CFAP299: variants seen among roughly 807,000 people sequenced by gnomAD.
The protein encoded by CFAP299 is cilia and flagella associated protein 299, also known as cilia- and flagella-associated protein 299.
Under a neutral mutation model 27.0 loss-of-function variants are expected in CFAP299, and 21 were observed. That is an observed-to-expected ratio of 0.78 (90% CI 0.55 to 1.12). The LOEUF (loss-of-function observed/expected upper bound fraction) is 1.12, where lower values mean the gene tolerates loss of function less well. Ranked by LOEUF, CFAP299 falls within the 50% of genes most tolerant of loss-of-function variation. The pLI is 0.00. For synonymous variants in CFAP299, 104 were observed against 98.1 expected, an observed-to-expected ratio of 1.06 and a Z score of -0.36; for missense variants, 310 against 276.6, an observed-to-expected ratio of 1.12 and a Z score of -0.86.
rs1051473021 is a variant in CFAP299, at chr4:80,656,659, T to G, written c.333+73476T>G. On this transcript the variant is annotated intron_variant, in intron 3 of 5. Transcript: ENST00000358105. Reference sequence around the variant, plus strand: ...ATTTGGGATGGTTCCAAGTCTTTGCTATTGTGAACAGTGCTGCAATAAACA... The same window carrying G: ...ATTTGGGATGGTTCCAAGTCTTTGCGATTGTGAACAGTGCTGCAATAAACA... Among the ~76,000 whole-genome samples the G allele has an allele frequency of 4.6e-5, 7 of 152,192 alleles. No homozygotes were observed. The East Asian group carries it at 1.2e-3, about 25-fold the overall frequency.
At chr4:80,820,464 G>A (rs552320101) in intron 3 of CFAP299, among the ~76,000 whole-genome samples, 5 of 152,246 alleles carry the variant, frequency 3.3e-5, no homozygotes, top group African/African-American at 1.2e-4. Context: ...AATTTGTAGA[G>A]CTGGCAAGTG....
chr4:80,858,971 C>T (rs1399216043), intron 3 of CFAP299, among the ~76,000 whole-genome samples: 1 of 152,130 alleles, frequency 6.6e-6, no homozygotes, highest in Non-Finnish European at 1.5e-5. Flanking sequence ...TCCTTGTTGA[C>T]TTTCTGTCTT....
intron 2 of CFAP299, among the ~76,000 whole-genome samples, chr4:80,482,771 C>G (rs1730630004): frequency 6.6e-6 from 1 of 152,174 alleles, no homozygotes; most frequent in Non-Finnish European, 1.5e-5. Context: ...ACCCAGTAGA[C>G]ATTAAATACC....
chr4:80,359,751 C>T (rs1239462323), intron 1 of CFAP299, among the ~76,000 whole-genome samples: 1 of 152,168 alleles, frequency 6.6e-6, no homozygotes, highest in Non-Finnish European at 1.5e-5. Context: ...AGCTTCTGTG[C>T]ATTGGGTTTC....
At chr4:80,429,137 T>A (rs1281695392) in intron 2 of CFAP299, among the ~76,000 whole-genome samples, 1 of 152,184 alleles carries the variant, frequency 6.6e-6, no homozygotes, top group African/African-American at 2.4e-5. Flanking sequence ...TTTCCATACA[T>A]CCCACCCAGT....
At position 80,858,928 on chromosome 4, in the gene CFAP299, G is replaced by A. The variant is rs952569180; in HGVS notation, c.334-11065G>A. ...AGTTCTGTAGATGTCTATTAGGTCCGCTTGGTGCAGAGCTGAGTTCAATTC... is the reference window on the plus strand; with the variant it reads ...AGTTCTGTAGATGTCTATTAGGTCCACTTGGTGCAGAGCTGAGTTCAATTC... On this transcript the variant is annotated intron_variant, in intron 3 of 5. Transcript: ENST00000358105. Among the ~76,000 whole-genome samples the A allele has an allele frequency of 1.3e-3, 205 of 152,106 alleles. 1 individual carries two copies. The highest frequency in any genetic ancestry group is 2.9e-3 in the African/African-American group (122 of 41,486).
chr4:80,552,834 T>G (rs6824365), intron 2 of CFAP299, among the ~76,000 whole-genome samples: 1 of 151,674 alleles, frequency 6.6e-6, no homozygotes, highest in Non-Finnish European at 1.5e-5. Flanking sequence ...ACAACAGGCA[T>G]GTGCCACCAT....
intron 2 of CFAP299, among the ~76,000 whole-genome samples, chr4:80,443,654 C>G (rs1033322251): frequency 6.6e-6 from 1 of 152,168 alleles, no homozygotes; most frequent in Admixed American, 6.5e-5. Flanking sequence ...CACTCCTATT[C>G]AACACAGTAT....
intron 5 of CFAP299, among the ~76,000 whole-genome samples, chr4:80,962,253 T>G (rs567448703): frequency 6.6e-6 from 1 of 152,132 alleles, no homozygotes; most frequent in Non-Finnish European, 1.5e-5. Flanking sequence ...TTTCATTTAA[T>G]TCATTAATTA....
intron 2 of CFAP299, among the ~76,000 whole-genome samples, chr4:80,521,194 A>C (rs1251503192): frequency 5.9e-5 from 9 of 152,136 alleles, no homozygotes; most frequent in Admixed American, 5.9e-4. Context: ...AAACCGACAC[A>C]AAAAAATCAT....
At chr4:80,858,816 G>T (rs1732109499) in intron 3 of CFAP299, among the ~76,000 whole-genome samples, 1 of 152,088 alleles carries the variant, frequency 6.6e-6, no homozygotes, top group Admixed American at 6.6e-5. Context: ...GCTGAGGAGA[G>T]CTTTACTTCC....
intron 2 of CFAP299, among the ~76,000 whole-genome samples, chr4:80,397,804 C>T (rs959976820): frequency 3.3e-5 from 5 of 152,192 alleles, no homozygotes; most frequent in East Asian, 3.9e-4. Context: ...TCTCACCACT[C>T]GTATTCAACA....
At chr4:80,386,501 G>A (rs1459149478) in intron 2 of CFAP299, 4 of 1,486,156 alleles carry the variant, frequency 2.7e-6, no homozygotes, top group East Asian at 2.5e-5. Context: ...CCCTCTTCTC[G>A]CGGGCGGTGG....
chr4:80,357,508 T>C (rs1040164762), intron 1 of CFAP299, among the ~76,000 whole-genome samples: 4 of 152,158 alleles, frequency 2.6e-5, no homozygotes, highest in African/African-American at 9.7e-5. Flanking sequence ...CTGACTCAAT[T>C]TCAGAACTCA....
intron 3 of CFAP299, among the ~76,000 whole-genome samples, chr4:80,624,181 T>C (rs1167531221): frequency 6.6e-6 from 1 of 151,796 alleles, no homozygotes; most frequent in East Asian, 1.9e-4. Flanking sequence ...ATATATGATA[T>C]ATATGACAAA....
rs530135399 is a variant in CFAP299 at position 80,752,402 on chromosome 4, TTA to T, written c.334-117578_334-117577del. Among the ~76,000 whole-genome samples, 752 of 145,024 alleles carry T rather than the reference TTA, an allele frequency of 5.2e-3. 14 individuals are homozygous for T. The highest frequency in any genetic ancestry group is 0.018 in the African/African-American group (717 of 39,570). ...TTCATTGTACTCTAAATATATATATTTATATATATATATACACATATATATAA... is the reference window on the plus strand; with the variant it reads ...TTCATTGTACTCTAAATATATATATTTATATATATATACACATATATATAA... On this transcript the variant is annotated intron_variant, in intron 3 of 5. Transcript: ENST00000358105.
At chr4:80,782,750 A>G (rs992949280) in intron 3 of CFAP299, among the ~76,000 whole-genome samples, 1 of 145,754 alleles carries the variant, frequency 6.9e-6, no homozygotes, top group African/African-American at 2.5e-5. Flanking sequence ...TATGGCATAC[A>G]TATATGAATA....
At chr4:80,387,853 C>G (rs974659155) in intron 2 of CFAP299, 1 of 1,320,722 alleles carries the variant, frequency 7.6e-7, no homozygotes, top group African/African-American at 1.5e-5. Context: ...ACCTTTAGCC[C>G]GTGGGGTCTT....
intron 1 of CFAP299, among the ~76,000 whole-genome samples, chr4:80,343,367 A>T (rs1485059756): frequency 6.6e-6 from 1 of 152,226 alleles, no homozygotes; most frequent in Non-Finnish European, 1.5e-5. Context: ...ACAACAGAAT[A>T]TACATTCTTC....
Sources: gnomAD v4.1 joint callset for allele counts (sites outside exome capture counted in the v4.1 genomes callset) on GRCh38, gnomAD v4.1.1 for gene constraint, MANE v1.5 for transcripts, NCBI Gene and HGNC (gene_info 2026-07-23, HGNC 2026-07-21) for gene names.